CDYL: variants seen among roughly 807,000 people sequenced by gnomAD.
The protein encoded by CDYL is chromodomain Y-like protein.
Under a neutral mutation model 47.3 loss-of-function variants are expected in CDYL, and 8 were observed. The observed-to-expected ratio is 0.17, with a 90% CI of 0.10 to 0.31. CDYL has a LOEUF of 0.31. Among genes scored for constraint, CDYL ranks in the 10% least tolerant of loss-of-function variants. CDYL has a pLI of 1.00. For missense variants in CDYL, 471 were observed against 701.4 expected (o/e 0.67, Z 3.71); for synonymous variants, 266 against 265.0 (o/e 1.00, Z -0.04).
At chr6:4,790,267 C>G (rs542467542) in intron 1 of CDYL, among the ~76,000 whole-genome samples, 2 of 152,288 alleles carry the variant, frequency 1.3e-5, no homozygotes, top group South Asian at 4.1e-4. Flanking sequence ...TTTTACTTAA[C>G]AAATGTATAG....
chr6:4,723,379 ATCAG>A (rs1757409926), intron 2 of CDYL, among the ~76,000 whole-genome samples: 1 of 152,040 alleles, frequency 6.6e-6, no homozygotes, highest in Non-Finnish European at 1.5e-5. Context: ...CTGAGCAGGA[ATCAG>A]TCAGGGTCCA....
intron 1 of CDYL, among the ~76,000 whole-genome samples, chr6:4,800,117 G>A (rs1404212615): frequency 6.6e-6 from 1 of 152,012 alleles, no homozygotes; most frequent in Non-Finnish European, 1.5e-5. Flanking sequence ...GATAGTCCAT[G>A]CTTTTTAATT....
rs568216941 is a variant in CDYL, at chr6:4,729,695, A to T, written c.104-5067A>T. Among the ~76,000 whole-genome samples the T allele has an allele frequency of 2.0e-5, 3 of 152,344 alleles. No homozygotes were observed. In the South Asian group the frequency reaches 6.2e-4, roughly 32 times the overall value. On this transcript the variant is annotated intron_variant, in intron 2 of 8. Transcript: ENST00000328908. ...CACTTTGGGAGGCCAAGGCGGGTGGATCACTTGAGGTCAGGAGTTTGAGAC... is the reference window on the plus strand; with the variant it reads ...CACTTTGGGAGGCCAAGGCGGGTGGTTCACTTGAGGTCAGGAGTTTGAGAC...
At chr6:4,749,307 AGATGGATGGATG>A (rs61073067) in intron 3 of CDYL, among the ~76,000 whole-genome samples, 3,807 of 146,600 alleles carry the variant, frequency 0.026, 60 homozygotes, top group South Asian at 0.042. Context: ...ATGGATGGAT[AGATGGATGGATG>A]GATGGATGGA....
chr6:4,901,160 T>C (rs760906044), intron 2 of CDYL, among the ~76,000 whole-genome samples: 20 of 152,062 alleles, frequency 1.3e-4, no homozygotes, highest in Non-Finnish European at 2.4e-4. Flanking sequence ...AAAAGAAATT[T>C]AGATTTCTTA....
intron 6 of CDYL, among the ~76,000 whole-genome samples, chr6:4,953,692 T>C (rs368128959): frequency 3.5e-4 from 53 of 152,222 alleles, no homozygotes; most frequent in African/African-American, 1.3e-3. Context: ...AAATAAGCCG[T>C]TTTGAAGTTA....
intron 1 of CDYL, among the ~76,000 whole-genome samples, chr6:4,805,240 A>T (rs918620684): frequency 2.6e-5 from 4 of 152,262 alleles, no homozygotes; most frequent in African/African-American, 9.6e-5. Flanking sequence ...ATGGGAACTC[A>T]TGTAATCTAA....
At chr6:4,710,917 CCA>C (rs67002698) in intron 1 of CDYL, among the ~76,000 whole-genome samples, 31,512 of 149,390 alleles carry the variant, frequency 0.21, 3,368 homozygotes, top group East Asian at 0.31. Flanking sequence ...GGTGTTCTCA[CCA>C]CACACACACA....
intron 5 of CDYL, among the ~76,000 whole-genome samples, chr6:4,944,901 G>A (rs374343921): frequency 4.1e-4 from 63 of 152,306 alleles, no homozygotes; most frequent in African/African-American, 1.4e-3. Flanking sequence ...AGCACTGAGG[G>A]GAACACAGCC....
At chr6:4,815,754 G>A (rs1159599453) in intron 1 of CDYL, among the ~76,000 whole-genome samples, 2 of 147,754 alleles carry the variant, frequency 1.4e-5, no homozygotes, top group East Asian at 2.0e-4. Flanking sequence ...CAGGCAGTTG[G>A]CACTTTCCAT....
chr6:4,938,496 A>G (rs965286945), intron 4 of CDYL, among the ~76,000 whole-genome samples: 7 of 152,224 alleles, frequency 4.6e-5, no homozygotes, highest in African/African-American at 1.7e-4. Context: ...AGTGTACAAC[A>G]TGGTGTATTG....
At chr6:4,796,718 C>A (rs1206260610) in intron 1 of CDYL, among the ~76,000 whole-genome samples, 1 of 151,918 alleles carries the variant, frequency 6.6e-6, no homozygotes, top group Non-Finnish European at 1.5e-5. Context: ...TTTTTCCTTC[C>A]CTTTTTATTT....
chr6:4,746,881 G>T (rs183688206), intron 3 of CDYL, among the ~76,000 whole-genome samples: 1 of 151,982 alleles, frequency 6.6e-6, no homozygotes, highest in African/African-American at 2.4e-5. Context: ...TCGCTGTGCC[G>T]GCCCCTCACC....
intron 6 of CDYL, 64 bp from the exon 7 acceptor site, chr6:4,953,834 G>A: frequency 1.3e-6 from 2 of 1,487,398 alleles, no homozygotes; most frequent in South Asian, 2.5e-5. Context: ...TAAATGTGGA[G>A]GCACAGGGGA....
intron 1 of CDYL, among the ~76,000 whole-genome samples, chr6:4,805,711 G>A (rs1369626271): frequency 6.6e-6 from 1 of 152,152 alleles, no homozygotes; most frequent in Non-Finnish European, 1.5e-5. Flanking sequence ...ATGGATCCTG[G>A]CTCATGAAGA....
intron 1 of CDYL, among the ~76,000 whole-genome samples, chr6:4,799,902 ATT>A (rs775379261): frequency 5.1e-4 from 77 of 152,040 alleles, no homozygotes; most frequent in Non-Finnish European, 9.3e-4. Flanking sequence ...ATATTGTTAT[ATT>A]TTCCTTTTAA....
intron 1 of CDYL, among the ~76,000 whole-genome samples, chr6:4,777,230 G>A (rs973778732): frequency 6.6e-6 from 1 of 152,102 alleles, no homozygotes. Context: ...CCTGGTCGGG[G>A]GGTGGCGGGG....
At chr6:4,841,705 G>A (rs530075815) in intron 1 of CDYL, among the ~76,000 whole-genome samples, 12 of 152,032 alleles carry the variant, frequency 7.9e-5, no homozygotes, top group Admixed American at 6.6e-4. Context: ...CTGGTTTTGA[G>A]GGTTCCTTTT....
chr6:4,710,381 G>GAAGT (rs1392236857), intron 1 of CDYL, among the ~76,000 whole-genome samples: 6 of 145,884 alleles, frequency 4.1e-5, no homozygotes, highest in Non-Finnish European at 6.0e-5. Flanking sequence ...GGGAGGGAGG[G>GAAGT]AAGGAAGGAA....
Sources: allele counts gnomAD v4.1 joint callset (sites outside exome capture counted in the v4.1 genomes callset), GRCh38; gene constraint gnomAD v4.1.1; transcripts MANE v1.5; gene names NCBI Gene and HGNC (gene_info 2026-07-23, HGNC 2026-07-21).